Variants in LY6G5C observed in about 807,000 individuals in gnomAD.
LY6G5C encodes lymphocyte antigen 6 family member G5C.
In LY6G5C, 6 loss-of-function variants were observed where a neutral mutation model predicts 10.5. The ratio of observed to expected loss-of-function variants is 0.57; its 90% CI spans 0.31 to 1.12. LY6G5C has a LOEUF of 1.12. LY6G5C is among the 50% of genes most tolerant of loss of function. The pLI, the probability that LY6G5C is intolerant of heterozygous loss-of-function variation, is 0.05. For synonymous variants in LY6G5C, 69 were observed against 67.8 expected, an observed-to-expected ratio of 1.02 and a Z score of -0.09; for missense variants, 160 against 185.5, an observed-to-expected ratio of 0.86 and a Z score of 0.80.
In LY6G5C at chr6:31,680,264, CTCA is replaced by C. The variant is rs764025073; in HGVS notation, c.107_109del (p.Met36del). On this transcript the variant is annotated inframe_deletion, in exon 1 of 3. Transcript: ENST00000383237. This position sits in a 1 kb window ranked among gnomAD's most constrained non-coding sequence, Gnocchi z 4.5. The stretch of plus-strand genomic sequence containing the variant: ...TTGGAGCCACTTACCAAACACCAAG[CTCA>C]TCATGACCAGCACTATTAAGAGGAC... 2 of 1,612,732 alleles carry C rather than the reference CTCA, an allele frequency of 1.2e-6. No individual in the cohort carries two copies.
intron 2 of LY6G5C, 93 bp from the exon 3 acceptor site, chr6:31,677,213 AAAAAG>A (rs1234917238): frequency 2.3e-6 from 3 of 1,307,442 alleles, no homozygotes; most frequent in Non-Finnish European, 3.2e-6. Flanking sequence ...AAAAAAAAAG[AAAAAG>A]AAAAGATTCC....
chr6:31,677,261 T>A, intron 2 of LY6G5C, 141 bp from the exon 3 acceptor site: 1 of 783,138 alleles, frequency 1.3e-6, no homozygotes, highest in East Asian at 2.7e-5. Context: ...TGCCCAGTGT[T>A]CACCAGCCAT....
chr6:31,677,785 G>A (rs1802661665), intron 2 of LY6G5C, among the ~76,000 whole-genome samples: 1 of 152,134 alleles, frequency 6.6e-6, no homozygotes, highest in Non-Finnish European at 1.5e-5. Flanking sequence ...TGAAAAAATA[G>A]TAAACAGCAT....
intron 2 of LY6G5C, among the ~76,000 whole-genome samples, chr6:31,678,001 C>T (rs1162694347): frequency 6.6e-6 from 1 of 152,144 alleles, no homozygotes; most frequent in Non-Finnish European, 1.5e-5. Context: ...ACACAGGCAG[C>T]TGCATGCAGT....
intron 2 of LY6G5C, among the ~76,000 whole-genome samples, chr6:31,677,893 G>T (rs1255551215): frequency 1.3e-5 from 2 of 152,192 alleles, no homozygotes; most frequent in African/African-American, 4.8e-5. Context: ...GTGGGTTAGG[G>T]TAGTAGCGGG....
At chr6:31,677,562 G>A (rs1293242192) in intron 2 of LY6G5C, among the ~76,000 whole-genome samples, 2 of 152,318 alleles carry the variant, frequency 1.3e-5, no homozygotes, top group East Asian at 3.9e-4. Context: ...GTTTGCTGCT[G>A]CCCTGCTTGA....
rs2151204338 is a variant in LY6G5C, at chr6:31,679,344, A to G, written c.122-76T>C. ...CCCTACCACTGCCTGATTCCAGGCC[A>G]CTCAGCCCCACTCCTCCCTCCCTTC... On this transcript the variant is annotated intron_variant, in intron 1 of 2. Transcript: ENST00000383237. The surrounding 1 kb of genome is among the most constrained non-coding windows in gnomAD (Gnocchi z 4.4). The G allele has an allele frequency of 6.8e-7, 1 of 1,463,436 alleles. No individual in the cohort carries two copies. The highest frequency in any genetic ancestry group is 9.6e-7 in the Non-Finnish European group (1 of 1,046,636). The allele number at this position is 1,463,436 out of a possible 1,614,324, so 90.7% of individuals were successfully genotyped here.
At chr6:31,676,787 T>G (rs1802598581) in exon 3 of LY6G5C, 16 of 638,118 alleles carry the variant, frequency 2.5e-5, no homozygotes, top group Non-Finnish European at 4.4e-5. Flanking sequence ...TAGCAGTAAG[T>G]GTGCTGAAGG....
rs1802776577 is a variant in LY6G5C, at chr6:31,679,711, G to T, written c.122-443C>A. The T allele has an allele frequency of 4.5e-6, 1 of 220,560 alleles. No homozygotes were observed. Among genetic ancestry groups the T allele is most frequent in the Non-Finnish European group, 9.2e-6 (1 of 108,638 alleles). 13.7% of individuals were successfully genotyped at this position (220,560 alleles called of 1,614,324 possible). A position where few individuals can be genotyped will look rare whatever the true frequency, so the allele number is the denominator to read the frequency against. On this transcript the variant is annotated intron_variant, in intron 1 of 2. Coordinates refer to ENST00000383237, the Ensembl canonical transcript of LY6G5C. The surrounding 1 kb of genome is among the most constrained non-coding windows in gnomAD (Gnocchi z 4.4). ...GGATTCCTTCAGTATCTCTATTCAG[G>T]TCACTGCTGTGAAGTGAGACAGCCC...
chr6:31,681,020 A>G (rs1355383454), upstream of LY6G5C, among the ~76,000 whole-genome samples: 1 of 151,042 alleles, frequency 6.6e-6, no homozygotes, highest in African/African-American at 2.4e-5. Flanking sequence ...GTAGGCTTGC[A>G]CAAGGAAGTG....
Position 31,679,313 on chromosome 6 carries a change from C to T in LY6G5C, c.122-45G>A, listed in dbSNP as rs1802757468. The T allele has an allele frequency of 1.2e-6, 2 of 1,608,134 alleles. No homozygotes were observed. Among genetic ancestry groups the T allele is most frequent in the African/African-American group, 2.7e-5 (2 of 74,928 alleles). Reference sequence around the variant, plus strand: ...TGACCCCACTCACACCCCATTCTACCTCACACCCTACCACTGCCTGATTCC... The same window carrying T: ...TGACCCCACTCACACCCCATTCTACTTCACACCCTACCACTGCCTGATTCC... On this transcript the variant is annotated intron_variant, in intron 1 of 2. Transcript: ENST00000383237. The surrounding 1 kb of genome is among the most constrained non-coding windows in gnomAD (Gnocchi z 4.4).
At chr6:31,678,572 G>A (rs150209448) in intron 2 of LY6G5C, among the ~76,000 whole-genome samples, 2 of 152,330 alleles carry the variant, frequency 1.3e-5, no homozygotes, top group African/African-American at 2.4e-5. Context: ...AGGGCACCTG[G>A]AGATCTGGAG....
In LY6G5C at chr6:31,679,448, G is replaced by T; in HGVS notation, c.122-180C>A. On this transcript the variant is annotated intron_variant, in intron 1 of 2. Transcript: ENST00000383237. This position sits in a 1 kb window ranked among gnomAD's most constrained non-coding sequence, Gnocchi z 4.4. ...TACACATACATCCCCCTTTTCCTCT[G>T]GTCCTAAGGCCAGACCACATGTTAA... The T allele has an allele frequency of 1.5e-6, 1 of 664,410 alleles. No individual in the cohort carries two copies. The highest frequency in any genetic ancestry group is 2.6e-6 in the Non-Finnish European group (1 of 380,810). 41.2% of individuals were successfully genotyped at this position (664,410 alleles called of 1,614,324 possible).
At chr6:31,676,989 C>A in exon 3 of LY6G5C, 1 of 1,613,022 alleles carries the variant, frequency 6.2e-7, no homozygotes, top group Non-Finnish European at 8.5e-7. Flanking sequence ...TTTTGAGGGT[C>A]ATTGCAGAAA....
At chr6:31,676,886 A>T (rs1802605419) in exon 3 of LY6G5C, 1 of 1,501,472 alleles carries the variant, frequency 6.7e-7, no homozygotes, top group Admixed American at 1.7e-5. Flanking sequence ...AGTCCTGGCC[A>T]AGCCCAGATA....
In LY6G5C at chr6:31,680,095, A is replaced by G. The variant is rs953579923; in HGVS notation, c.121+158T>C. 1.4e-6 allele frequency: 1 copy of G among 706,178 alleles called. No homozygotes were observed. The highest frequency in any genetic ancestry group is 1.8e-5 in the African/African-American group (1 of 55,922). The allele number at this position is 706,178 out of a possible 1,614,324, so 43.7% of individuals were successfully genotyped here. A position where few individuals can be genotyped will look rare whatever the true frequency, so the allele number is the denominator to read the frequency against. On this transcript the variant is annotated intron_variant, in intron 1 of 2. Coordinates refer to ENST00000383237, the Ensembl canonical transcript of LY6G5C. The surrounding 1 kb of genome is among the most constrained non-coding windows in gnomAD (Gnocchi z 4.5). ...TTTAAAAATCTTCAGATTGCACATC[A>G]GTCCATGAGCAGGCATTCCCTACCA...
chr6:31,679,538 A>G lies in LY6G5C; in HGVS notation c.122-270T>C. The G allele has an allele frequency of 1.9e-6, 1 of 525,962 alleles. No homozygotes were observed. The highest frequency in any genetic ancestry group is 3.4e-6 in the Non-Finnish European group (1 of 291,494). The allele number at this position is 525,962 out of a possible 1,614,324, so 32.6% of individuals were successfully genotyped here. ...AGGAAAGTGCTAAACCAACACTTTGAATCCTGTGTCTCTGTGGCTGGTGCT... is the reference window on the plus strand; with the variant it reads ...AGGAAAGTGCTAAACCAACACTTTGGATCCTGTGTCTCTGTGGCTGGTGCT... On this transcript the variant is annotated intron_variant, in intron 1 of 2. Coordinates refer to ENST00000383237, the Ensembl canonical transcript of LY6G5C. This position sits in a 1 kb window ranked among gnomAD's most constrained non-coding sequence, Gnocchi z 4.4.
chr6:31,679,008 AT>A lies in LY6G5C; in HGVS notation c.289+92del. 1 of 1,325,788 alleles carries A rather than the reference AT, an allele frequency of 7.5e-7. No individual in the cohort carries two copies. Among genetic ancestry groups the A allele is most frequent in the Non-Finnish European group, 1.1e-6 (1 of 931,980 alleles). 82.1% of individuals were successfully genotyped at this position (1,325,788 alleles called of 1,614,324 possible). On this transcript the variant is annotated intron_variant, in intron 2 of 2. Coordinates refer to ENST00000383237, the Ensembl canonical transcript of LY6G5C. The surrounding 1 kb of genome is among the most constrained non-coding windows in gnomAD (Gnocchi z 4.4). The stretch of plus-strand genomic sequence containing the variant: ...CAGGATTGGAGCAATGTCTTATGGG[AT>A]TATGGGAACAAGACTTGGGGTGCAG...
chr6:31,676,841 G>A (rs1199992061), exon 3 of LY6G5C: 6 of 983,736 alleles, frequency 6.1e-6, no homozygotes, highest in Non-Finnish European at 7.8e-6. Flanking sequence ...CCAGTGGCTG[G>A]AGGGAGGCAA....
Sources: allele counts gnomAD v4.1 joint callset (sites outside exome capture counted in the v4.1 genomes callset), GRCh38; gene constraint gnomAD v4.1.1; non-coding constraint Gnocchi (gnomAD v3.1); transcripts MANE v1.5; gene names NCBI Gene and HGNC (gene_info 2026-07-23, HGNC 2026-07-21).